The following CCDC88A variants were observed in gnomAD, a reference collection of about 807,000 sequenced individuals.
The protein encoded by CCDC88A is coiled-coil and HOOK domain protein 88A.
CCDC88A carries 54 observed loss-of-function variants against 234.3 expected under a neutral mutation model. The ratio of observed to expected loss-of-function variants is 0.23; its 90% CI spans 0.19 to 0.29. The LOEUF (loss-of-function observed/expected upper bound fraction) is 0.29. CCDC88A is among the 10% of genes least tolerant of loss of function. The pLI, the probability that CCDC88A is intolerant of heterozygous loss-of-function variation, is 1.00. For synonymous variants in CCDC88A, 753 were observed against 737.8 expected (o/e 1.02, Z -0.33); for missense variants, 1,832 against 2,123.4 (o/e 0.86, Z 2.70).
intron 3 of CCDC88A, among the ~76,000 whole-genome samples, chr2:55,384,664 TA>T (rs377733464): frequency 0.61 from 66,810 of 109,914 alleles, 30,509 homozygotes; most frequent in Admixed American, 0.69. Context: ...TATATATATA[TA>T]TATTTTTTAA....
chr2:55,382,637 A>G (rs1233143654), intron 3 of CCDC88A, among the ~76,000 whole-genome samples: 1 of 152,202 alleles, frequency 6.6e-6, no homozygotes, highest in African/African-American at 2.4e-5. Context: ...GTAATTTTAC[A>G]TAACAGCTAT....
rs536919682 is a variant in CCDC88A, at chr2:55,356,032, G to C, written c.628-281C>G. 14 of 197,976 alleles carry C rather than the reference G, an allele frequency of 7.1e-5. 1 individual carries two copies. Among genetic ancestry groups the C allele is most frequent in the East Asian group, 4.9e-4 (4 of 8,158 alleles). The allele number at this position is 197,976 out of a possible 1,614,324, so 12.3% of individuals were successfully genotyped here. Reference sequence around the variant, plus strand: ...TTTAAAGTTCTGGGGTACACGTGCAGGGTATGCATGTTTGTTACATAGGTA... The same window carrying C: ...TTTAAAGTTCTGGGGTACACGTGCACGGTATGCATGTTTGTTACATAGGTA... On this transcript the variant is annotated intron_variant, in intron 7 of 32. Coordinates refer to ENST00000436346, the MANE Select transcript of CCDC88A (RefSeq NM_001365480.1).
intron 17 of CCDC88A, among the ~76,000 whole-genome samples, chr2:55,325,143 G>A (rs1453833762): frequency 6.6e-6 from 1 of 152,160 alleles, no homozygotes; most frequent in Non-Finnish European, 1.5e-5. Flanking sequence ...TGAATCAAGA[G>A]ATCAATCTGG....
intron 2 of CCDC88A, among the ~76,000 whole-genome samples, chr2:55,409,407 T>G (rs1316043111): frequency 6.6e-6 from 1 of 152,174 alleles, no homozygotes; most frequent in African/African-American, 2.4e-5. Flanking sequence ...AATCATCACT[T>G]CCCTTTCTGT....
chr2:55,312,456 G>A lies in CCDC88A; in HGVS notation c.4057C>T (p.His1353Tyr). ...EQNMESKDLF[H>Y]VEQRQYIDKL... Reference sequence around the variant, plus strand: ...TACATGTACTGTCTTTGTTCAACATGAAAAAGATCCTTGCTTTCCATATTC... The same window carrying A: ...TACATGTACTGTCTTTGTTCAACATAAAAAAGATCCTTGCTTTCCATATTC... The change falls in exon 23 of 33, where the codon CAT becomes TAT. Residue 1353 changes from histidine to tyrosine, a missense_variant. Coordinates refer to ENST00000436346, the MANE Select transcript of CCDC88A (RefSeq NM_001365480.1). The A allele has an allele frequency of 6.2e-7, 1 of 1,611,992 alleles. No individual in the cohort carries two copies. Among genetic ancestry groups the A allele is most frequent in the Non-Finnish European group, 8.5e-7 (1 of 1,179,172 alleles).
intron 14 of CCDC88A, 130 bp downstream of exon 14, chr2:55,336,551 C>G: frequency 1.8e-6 from 1 of 570,034 alleles, no homozygotes; most frequent in Admixed American, 3.9e-5. Context: ...ATTATAATTA[C>G]TTTAAAATAA....
chr2:55,338,631 T>C (rs970312120), intron 13 of CCDC88A, among the ~76,000 whole-genome samples: 2 of 152,170 alleles, frequency 1.3e-5, no homozygotes, highest in Non-Finnish European at 2.9e-5. Context: ...TTCAGAGAAA[T>C]GGCTGTCTCC....
rs1467705957 is a variant in CCDC88A at position 55,290,062 on chromosome 2, A to C, written c.*1138T>G. On this transcript the variant is annotated 3_prime_UTR_variant, in exon 33 of 33. Coordinates refer to ENST00000436346, the MANE Select transcript of CCDC88A (RefSeq NM_001365480.1). ...CATAAGAAAATAAAACTGTGATATA[A>C]AATTGGAACTACTAAAAAAATTGAT... The C allele has an allele frequency of 6.6e-6, 1 of 152,578 alleles. No individual in the cohort carries two copies. The highest frequency in any genetic ancestry group is 2.4e-5 in the African/African-American group (1 of 41,456). The allele number at this position is 152,578 out of a possible 1,614,324, so 9.5% of individuals were successfully genotyped here.
intron 18 of CCDC88A, chr2:55,321,115 G>GAAAAA (rs60858860): frequency 2.8e-5 from 3 of 105,968 alleles, no homozygotes; most frequent in Non-Finnish European, 4.2e-5. Flanking sequence ...TCTCAGAGAA[G>GAAAAA]AAAAAAAAAA....
intron 23 of CCDC88A, among the ~76,000 whole-genome samples, chr2:55,310,227 G>C (rs1230885768): frequency 2.0e-5 from 3 of 152,164 alleles, no homozygotes; most frequent in African/African-American, 7.2e-5. Flanking sequence ...TCATTACAAA[G>C]TGGTAAGAAA....
intron 3 of CCDC88A, among the ~76,000 whole-genome samples, chr2:55,388,075 G>T (rs949566553): frequency 2.0e-5 from 3 of 152,098 alleles, no homozygotes; most frequent in African/African-American, 7.2e-5. Flanking sequence ...AACAATTGGA[G>T]AATACATACT....
intron 2 of CCDC88A, among the ~76,000 whole-genome samples, chr2:55,391,481 T>C (rs989787570): frequency 6.6e-6 from 1 of 151,536 alleles, no homozygotes; most frequent in Non-Finnish European, 1.5e-5. Context: ...GACCCAGAAA[T>C]GAAAAAGATC....
At chr2:55,372,852 C>T (rs1265413542) in intron 4 of CCDC88A, among the ~76,000 whole-genome samples, 2 of 152,196 alleles carry the variant, frequency 1.3e-5, no homozygotes, top group Non-Finnish European at 2.9e-5. Flanking sequence ...GATACAGGGA[C>T]ATGCCACAAA....
At chr2:55,354,547 C>A (rs1032606944) in intron 8 of CCDC88A, among the ~76,000 whole-genome samples, 1 of 151,466 alleles carries the variant, frequency 6.6e-6, no homozygotes. Context: ...TATTTTCTTT[C>A]TTTATATCCT....
intron 2 of CCDC88A, chr2:55,405,575 A>T (rs1679407057): frequency 6.6e-6 from 1 of 152,326 alleles, no homozygotes; most frequent in South Asian, 2.1e-4. Flanking sequence ...TGGGCCGAGG[A>T]CCAGTACAGG....
intron 32 of CCDC88A, 28 bp from the exon 33 acceptor site, chr2:55,291,192 G>C (rs1679415445): frequency 6.6e-6 from 1 of 152,402 alleles, no homozygotes; most frequent in South Asian, 2.1e-4. Flanking sequence ...GTAGAAAGAA[G>C]AAAGAAAATA....
At chr2:55,341,952 C>G (rs1668566819) in intron 12 of CCDC88A, among the ~76,000 whole-genome samples, 1 of 152,082 alleles carries the variant, frequency 6.6e-6, no homozygotes, top group Admixed American at 6.6e-5. Context: ...CTGCTGAATG[C>G]TATGAGAGTT....
chr2:55,295,895 A>G lies in CCDC88A; in HGVS notation c.5253T>C (p.Pro1751=). The G allele has an allele frequency of 3.7e-6, 6 of 1,614,106 alleles. No homozygotes were observed. Among genetic ancestry groups the G allele is most frequent in the Non-Finnish European group, 5.1e-6 (6 of 1,180,016 alleles). ...TTCGAGGACCAGGTCTCAAAAACTC[A>G]GGCTTAGTTGTCCGTCTATCATAGA... The part of the protein sequence containing the change: ...GDFYDRRTTK[P]EFLRPGPRKT... Residue 1751 remains proline, a synonymous_variant, in exon 31 of 33, where the codon CCT becomes CCC. Transcript: ENST00000436346.
Position 55,328,744 on chromosome 2 carries a change from CTTTGTTTTGT to C in CCDC88A, c.2856-319_2856-310del, listed in dbSNP as rs57996645. On this transcript the variant is annotated intron_variant, in intron 16 of 32. Coordinates refer to ENST00000436346, the MANE Select transcript of CCDC88A (RefSeq NM_001365480.1). This position sits in a 1 kb window ranked among gnomAD's most constrained non-coding sequence, Gnocchi z 4.3. ...ATATCCTTTTTATTAATGAAGACTC[CTTTGTTTTGT>C]TTTGTTTTGTTTTGTTTTGTTTTGT... The C allele has an allele frequency of 0.065, 11,013 of 168,478 alleles. 1,078 individuals are homozygous for C. The highest frequency in any genetic ancestry group is 0.23 in the African/African-American group (9,264 of 41,120). The allele number at this position is 168,478 out of a possible 1,614,324, so 10.4% of individuals were successfully genotyped here. A position where few individuals can be genotyped will look rare whatever the true frequency, so the allele number is the denominator to read the frequency against.
Sources: gnomAD v4.1 joint callset for allele counts (sites outside exome capture counted in the v4.1 genomes callset) on GRCh38, gnomAD v4.1.1 for gene constraint, Gnocchi (gnomAD v3.1) non-coding constraint, MANE v1.5 for transcripts, NCBI Gene and HGNC (gene_info 2026-07-23, HGNC 2026-07-21) for gene names.